Variants in PAN2 observed in about 807,000 individuals in gnomAD.
PAN2 encodes the protein poly(A) specific ribonuclease subunit PAN2, also known as PAN2-PAN3 deadenylation complex catalytic subunit PAN2.
Under a neutral mutation model 133.3 loss-of-function variants are expected in PAN2, and 68 were observed. The ratio of observed to expected loss-of-function variants is 0.51; its 90% CI spans 0.42 to 0.62. The LOEUF is 0.62. PAN2 is among the 20% of genes least tolerant of loss of function. PAN2 has a pLI of 0.00. For synonymous variants in PAN2, 462 were observed against 544.6 expected (o/e 0.85, Z 2.11); for missense variants, 1,042 against 1,500.5 (o/e 0.69, Z 5.05).
rs1445788858 is a variant in PAN2, at chr12:56,319,859, G to A, written c.2946+5C>T. On this transcript the variant is annotated splice_donor_5th_base_variant and intron_variant, in intron 21 of 25. Transcript: ENST00000440411. This position sits in a 1 kb window ranked among gnomAD's most constrained non-coding sequence, Gnocchi z 5.4. ...CCAATGCCCCATCCCTTTGGTCTTG[G>A]TTACCTCATTAAGGGTGACAAACTC... is the stretch of plus-strand genomic sequence containing the variant. 1 of 1,614,140 alleles carries A rather than the reference G, an allele frequency of 6.2e-7. No individual in the cohort carries two copies. The highest frequency in any genetic ancestry group is 1.1e-5 in the South Asian group (1 of 91,076).
chr12:56,330,550 G>A (rs1232487587), intron 2 of PAN2, among the ~76,000 whole-genome samples: 5 of 150,922 alleles, frequency 3.3e-5, no homozygotes, highest in South Asian at 2.1e-4. Flanking sequence ...TAGTAGAGAC[G>A]GGGTTTCACC....
intron 2 of PAN2, among the ~76,000 whole-genome samples, chr12:56,330,662 A>C (rs1464835630): frequency 6.6e-6 from 1 of 151,496 alleles, no homozygotes; most frequent in Non-Finnish European, 1.5e-5. Flanking sequence ...CCCGGCCTGT[A>C]TTTTTCTTTT....
At chr12:56,332,561 T>C (rs886899929) in intron 2 of PAN2, among the ~76,000 whole-genome samples, 10 of 149,660 alleles carry the variant, frequency 6.7e-5, no homozygotes, top group South Asian at 4.2e-4. Flanking sequence ...CATTACGCCA[T>C]TGCACTCTGG....
At chr12:56,322,023 C>A (rs541404116) in intron 20 of PAN2, 55 bp downstream of exon 20, 1 of 919,824 alleles carries the variant, frequency 1.1e-6, no homozygotes, top group African/African-American at 1.6e-5. Flanking sequence ...CCAGATCTCA[C>A]CCTGAAGCCC....
chr12:56,328,332 C>T lies in PAN2; in HGVS notation c.479G>A (p.Ser160Asn). The T allele has an allele frequency of 6.2e-7, 1 of 1,606,486 alleles. No homozygotes were observed. Among genetic ancestry groups the T allele is most frequent in the Non-Finnish European group, 8.5e-7 (1 of 1,176,090 alleles). Residue 160 changes from serine to asparagine, a missense_variant, in exon 4 of 26, where the codon AGT becomes AAT. Transcript: ENST00000440411. ...YLLDENEDMH[S>N]LLLTDSSTLL... ...AGTGCTGCTGTCAGTCAGTAGGAGA[C>T]TGTGCATATCCTCATTCTCATCCAG...
intron 2 of PAN2, among the ~76,000 whole-genome samples, chr12:56,331,478 G>A (rs1407158419): frequency 3.9e-5 from 6 of 152,148 alleles, no homozygotes; most frequent in Non-Finnish European, 8.8e-5. Flanking sequence ...TCACACTGGC[G>A]CTTAGTACCA....
chr12:56,328,185 C>A, intron 4 of PAN2, 53 bp downstream of exon 4: 1 of 1,593,618 alleles, frequency 6.3e-7, no homozygotes, highest in South Asian at 1.1e-5. Flanking sequence ...GCATACCCTG[C>A]CCCCGCAACA....
In PAN2 at chr12:56,328,367, G is replaced by C; in HGVS notation, c.453-9C>G. 14 of 1,592,926 alleles carry C rather than the reference G, an allele frequency of 8.8e-6. No individual in the cohort carries two copies. The highest frequency in any genetic ancestry group is 1.1e-5 in the Non-Finnish European group (13 of 1,168,254). ...CCTCATTCTCATCCAGCCTGGTGGG[G>C]AGAGGAAAGGCTAAGGGGCCCAGGC... On this transcript the variant is annotated splice_polypyrimidine_tract_variant and intron_variant, in intron 3 of 25. Coordinates refer to ENST00000440411, the MANE Select transcript of PAN2 (RefSeq NM_014871.6).
chr12:56,320,915 T>C (rs1741739925), intron 20 of PAN2, among the ~76,000 whole-genome samples: 1 of 150,820 alleles, frequency 6.6e-6, no homozygotes, highest in Non-Finnish European at 1.5e-5. Flanking sequence ...ATACAAAAAA[T>C]TAGCCGGACA....
chr12:56,319,198 A>G lies in PAN2; in HGVS notation c.3271-17T>C. ...CTTGGGCACCTGGCAAGGATAAAAGAGGGGGAGACTTAAGGTAGGGGACCT... is the reference window on the plus strand; with the variant it reads ...CTTGGGCACCTGGCAAGGATAAAAGGGGGGGAGACTTAAGGTAGGGGACCT... On this transcript the variant is annotated splice_polypyrimidine_tract_variant and intron_variant, in intron 23 of 25. Transcript: ENST00000440411. The surrounding 1 kb of genome is among the most constrained non-coding windows in gnomAD (Gnocchi z 5.4). The G allele has an allele frequency of 3.1e-6, 5 of 1,614,062 alleles. No homozygotes were observed. The highest frequency in any genetic ancestry group is 4.2e-6 in the Non-Finnish European group (5 of 1,179,980).
In PAN2 at chr12:56,326,901, C is replaced by T. The variant is rs1433572543; in HGVS notation, c.978G>A (p.Val326=). ...GLANPADIFH[V]NPVGPLLMTF... ...TCATTAGCAGAGGCCCCACAGGATT[C>T]ACATGAAAGATATCGGCTGGGTTGG... Residue 326 remains valine (V), a synonymous_variant, in exon 7 of 26, where the codon GTG becomes GTA. Transcript: ENST00000440411. The T allele has an allele frequency of 6.2e-7, 1 of 1,614,066 alleles. No homozygotes were observed. Among genetic ancestry groups the T allele is most frequent in the African/African-American group, 1.3e-5 (1 of 74,928 alleles).
Position 56,317,505 on chromosome 12 carries a change from A to G in PAN2, c.*104T>C. 1.1e-6 allele frequency: 1 copy of G among 883,734 alleles called. No individual in the cohort carries two copies. Among genetic ancestry groups the G allele is most frequent in the Non-Finnish European group, 1.9e-6 (1 of 525,780 alleles). 54.7% of individuals were successfully genotyped at this position (883,734 alleles called of 1,614,324 possible). A position where few individuals can be genotyped will look rare whatever the true frequency, so the allele number is the denominator to read the frequency against. On this transcript the variant is annotated 3_prime_UTR_variant, in exon 26 of 26. Transcript: ENST00000440411. ...GTGACCCTAGACCCTGAGCACGTCC[A>G]GTACTGGAAGTGGACAAGGTATAGC...
intron 24 of PAN2, among the ~76,000 whole-genome samples, chr12:56,318,750 T>C (rs1874179257): frequency 6.6e-6 from 1 of 152,184 alleles, no homozygotes; most frequent in Non-Finnish European, 1.5e-5. Context: ...GTTTGTTACA[T>C]GGGTGTATCG....
chr12:56,333,240 G>A (rs934991598), intron 1 of PAN2, 32 bp from the exon 2 acceptor site: 5 of 760,772 alleles, frequency 6.6e-6, no homozygotes, highest in East Asian at 2.7e-5. Context: ...TGAGTCAAGG[G>A]TAGGCCCAGG....
intron 17 of PAN2, 92 bp downstream of exon 17, chr12:56,322,970 C>G: frequency 2.0e-6 from 3 of 1,498,074 alleles, no homozygotes; most frequent in Non-Finnish European, 2.8e-6. Context: ...TTCCTTTTCC[C>G]TCTGCTAAGT....
chr12:56,328,091 A>G lies in PAN2; in HGVS notation c.574-19T>C, dbSNP rs768713400. 1 of 1,613,408 alleles carries G rather than the reference A, an allele frequency of 6.2e-7. No homozygotes were observed. The highest frequency in any genetic ancestry group is 1.3e-5 in the African/African-American group (1 of 74,908). On this transcript the variant is annotated intron_variant, in intron 4 of 25. Transcript: ENST00000440411. ...CTGCATACTGGAGAGGGAAGCAGGAAAAACCAGTGAGAAGAATGATTTTTC... is the reference window on the plus strand; with the variant it reads ...CTGCATACTGGAGAGGGAAGCAGGAGAAACCAGTGAGAAGAATGATTTTTC...
intron 14 of PAN2, 85 bp from the exon 15 acceptor site, chr12:56,323,683 TG>T: frequency 7.1e-7 from 1 of 1,409,998 alleles, no homozygotes; most frequent in South Asian, 1.2e-5. Context: ...GTCTTCAAAC[TG>T]GGATTCCTCA....
Position 56,319,359 on chromosome 12 carries a change from G to C in PAN2, c.3219C>G (p.Val1073=), listed in dbSNP as rs774746721. The C allele has an allele frequency of 1.2e-6, 2 of 1,614,136 alleles. No homozygotes were observed. Among genetic ancestry groups the C allele is most frequent in the Non-Finnish European group, 1.7e-6 (2 of 1,180,026 alleles). ...LKLRFLIDIG[V]KFVGHGLQKD... ...TCTGCAGGCCATGACCCACAAACTT[G>C]ACTCCAATGTCAATGAGAAAACGAA... Residue 1073 remains valine, a synonymous_variant, in exon 23 of 26, where the codon GTC becomes GTG. Coordinates refer to ENST00000440411, the MANE Select transcript of PAN2 (RefSeq NM_014871.6). The surrounding 1 kb of genome is among the most constrained non-coding windows in gnomAD (Gnocchi z 5.4).
Position 56,332,139 on chromosome 12 carries a change from A to C in PAN2, c.282+674T>G, listed in dbSNP as rs377388652. Among the ~76,000 whole-genome samples, 8 of 152,384 alleles carry C rather than the reference A, an allele frequency of 5.2e-5. No homozygotes were observed. In the East Asian group the frequency reaches 1.5e-3, roughly 29 times the overall value. ...ATTAAAATCAGCCAGAGAAGACAAA[A>C]TGATTCAATGGAAGATATGCAGAAT... On this transcript the variant is annotated intron_variant, in intron 2 of 25. Coordinates refer to ENST00000440411, the MANE Select transcript of PAN2 (RefSeq NM_014871.6).
Sources: allele counts gnomAD v4.1 joint callset (sites outside exome capture counted in the v4.1 genomes callset), GRCh38; gene constraint gnomAD v4.1.1; non-coding constraint Gnocchi (gnomAD v3.1); transcripts MANE v1.5; gene names NCBI Gene and HGNC (gene_info 2026-07-23, HGNC 2026-07-21).